TUSC3: variants seen among roughly 807,000 people sequenced by gnomAD.
TUSC3 encodes dolichyl-diphosphooligosaccharide--protein glycosyltransferase subunit TUSC3.
A neutral mutation model predicts 44.8 loss-of-function variants in TUSC3; 45 were observed. The observed-to-expected ratio is 1.00, with a 90% confidence interval of 0.79 to 1.29. TUSC3 has a LOEUF of 1.29. Ranked by LOEUF, TUSC3 falls within the 50% of genes most tolerant of loss-of-function variation. The probability of loss-of-function intolerance (pLI) is 0.00; values close to 1 mark genes in which losing one functional copy is unlikely to be tolerated. For missense variants in TUSC3, 519 were observed against 437.9 expected (o/e 1.19, Z -1.65); for synonymous variants, 212 against 152.9 (o/e 1.39, Z -2.85).
chr8:15,587,419 C>A (rs1029256725), intron 1 of TUSC3, among the ~76,000 whole-genome samples: 4 of 152,218 alleles, frequency 2.6e-5, no homozygotes, highest in Admixed American at 2.0e-4. Context: ...TCACTCCATT[C>A]ATATTTTTAA....
chr8:15,684,288 C>T (rs1808536778), intron 6 of TUSC3, among the ~76,000 whole-genome samples: 1 of 152,110 alleles, frequency 6.6e-6, no homozygotes, highest in Non-Finnish European at 1.5e-5. Context: ...CTTGGGAACC[C>T]ACTGTTCCTC....
chr8:15,693,063 G>C (rs1190666898), intron 6 of TUSC3, among the ~76,000 whole-genome samples: 1 of 152,136 alleles, frequency 6.6e-6, no homozygotes, highest in Non-Finnish European at 1.5e-5. Context: ...CATGTGAGAT[G>C]GATCTGTTGA....
intron 1 of TUSC3, among the ~76,000 whole-genome samples, chr8:15,542,000 A>T (rs916247120): frequency 1.4e-5 from 2 of 146,006 alleles, no homozygotes; most frequent in Non-Finnish European, 3.0e-5. Context: ...ACCTTAATCA[A>T]TTTTTTTTTT....
At chr8:15,612,823 T>C (rs1295900096) in intron 1 of TUSC3, among the ~76,000 whole-genome samples, 2 of 152,080 alleles carry the variant, frequency 1.3e-5, no homozygotes, top group Non-Finnish European at 2.9e-5. Context: ...TATGGCATCT[T>C]GGACTGTATG....
At chr8:15,468,556 A>G (rs942068198) in intron 1 of TUSC3, among the ~76,000 whole-genome samples, 2 of 152,168 alleles carry the variant, frequency 1.3e-5, no homozygotes, top group African/African-American at 2.4e-5. Flanking sequence ...ATTACTAGAT[A>G]TTCTTTGTTT....
the TUSC3 span, among the ~76,000 whole-genome samples, chr8:15,775,619 T>C: frequency 7.8e-6 from 1 of 128,870 alleles, no homozygotes; most frequent in Non-Finnish European, 1.6e-5. Flanking sequence ...TATGTACATA[T>C]ATATATACAG....
intron 1 of TUSC3, among the ~76,000 whole-genome samples, chr8:15,555,658 A>G (rs867798086): frequency 5.9e-5 from 9 of 151,606 alleles, no homozygotes; most frequent in Admixed American, 4.0e-4. Context: ...TCTCAAACCA[A>G]TTTCCTGATG....
intron 3 of TUSC3, among the ~76,000 whole-genome samples, chr8:15,654,738 A>C (rs1807078427): frequency 6.6e-6 from 1 of 152,132 alleles, no homozygotes; most frequent in Admixed American, 6.5e-5. Flanking sequence ...TTGAGGTTGC[A>C]GTGAGCCGAG....
At chr8:15,651,416 TCCC>T (rs1806898517) in intron 3 of TUSC3, among the ~76,000 whole-genome samples, 1 of 152,212 alleles carries the variant, frequency 6.6e-6, no homozygotes, top group Admixed American at 6.5e-5. Context: ...GAATTGTATT[TCCC>T]CAAATTCATA....
At chr8:15,788,977 G>T in the TUSC3 span, among the ~76,000 whole-genome samples, 3 of 152,120 alleles carry the variant, frequency 2.0e-5, no homozygotes, top group Non-Finnish European at 4.4e-5. Context: ...GGCAAGCTAC[G>T]CCTCCCCTTT....
chr8:15,555,398 G>A (rs1275182747), intron 1 of TUSC3, among the ~76,000 whole-genome samples: 1 of 141,236 alleles, frequency 7.1e-6, no homozygotes, highest in South Asian at 2.4e-4. Context: ...CTGGGCTCAA[G>A]TGATCCTCCC....
At chr8:15,835,679 G>C in the TUSC3 span, among the ~76,000 whole-genome samples, 2 of 151,920 alleles carry the variant, frequency 1.3e-5, no homozygotes, top group African/African-American at 2.4e-5. Flanking sequence ...AAATATTTTT[G>C]GAATGCTCTG....
At chr8:15,459,021 T>G (rs1047927788) in intron 1 of TUSC3, among the ~76,000 whole-genome samples, 2 of 152,206 alleles carry the variant, frequency 1.3e-5, no homozygotes, top group Admixed American at 6.5e-5. Context: ...TTGAGATAGT[T>G]AACCCCCTTT....
At chr8:15,795,481 G>T in the TUSC3 span, among the ~76,000 whole-genome samples, 15 of 152,250 alleles carry the variant, frequency 9.9e-5, no homozygotes, top group African/African-American at 3.6e-4. Flanking sequence ...ATTAAAAAAT[G>T]TGTCACTTAC....
chr8:15,841,792 C>T, the TUSC3 span, among the ~76,000 whole-genome samples: 1 of 152,178 alleles, frequency 6.6e-6, no homozygotes, highest in African/African-American at 2.4e-5. Flanking sequence ...GCGATTACAG[C>T]TGTGAGCCAC....
rs1563189381 is a variant in TUSC3 at position 15,720,288 on chromosome 8, A to G, written c.799-10378A>G. Among the ~76,000 whole-genome samples, 3 of 152,032 alleles carry G rather than the reference A, an allele frequency of 2.0e-5. No individual in the cohort carries two copies. The East Asian group carries it at 5.8e-4, about 29-fold the overall frequency. ...CACACTGATAGTTTACCGATTAAATATAAAGATGAATTTTGTTCATCTGTA... is the reference window on the plus strand; with the variant it reads ...CACACTGATAGTTTACCGATTAAATGTAAAGATGAATTTTGTTCATCTGTA... On this transcript the variant is annotated intron_variant, in intron 6 of 10. Transcript: ENST00000503731.
intron 2 of TUSC3, among the ~76,000 whole-genome samples, chr8:15,647,614 C>A (rs761946100): frequency 2.0e-5 from 3 of 152,068 alleles, no homozygotes; most frequent in Non-Finnish European, 2.9e-5. Context: ...TTTCTAGTTG[C>A]CTTTTTTCCT....
intron 1 of TUSC3, among the ~76,000 whole-genome samples, chr8:15,615,586 C>G (rs1413519120): frequency 1.3e-5 from 2 of 151,984 alleles, no homozygotes; most frequent in Non-Finnish European, 2.9e-5. Flanking sequence ...CACTAATATA[C>G]TATATATTTT....
intron 10 of TUSC3, among the ~76,000 whole-genome samples, chr8:15,760,938 C>T (rs562922555): frequency 3.2e-4 from 49 of 152,196 alleles, no homozygotes; most frequent in Non-Finnish European, 5.1e-4. Context: ...CTTGTAACAC[C>T]GTCATCATCT....
Sources: allele counts gnomAD v4.1 joint callset (sites outside exome capture counted in the v4.1 genomes callset), GRCh38; gene constraint gnomAD v4.1.1; transcripts MANE v1.5; gene names NCBI Gene and HGNC (gene_info 2026-07-23, HGNC 2026-07-21).